The following PRKG1 variants were observed in gnomAD, a reference collection of about 807,000 sequenced individuals.
PRKG1 encodes protein kinase cGMP-dependent 1, also known as cGMP-dependent protein kinase 1.
Under a neutral mutation model 88.1 loss-of-function variants are expected in PRKG1, and 35 were observed. That is an observed-to-expected ratio of 0.40 (90% confidence interval 0.30 to 0.53). The LOEUF (loss-of-function observed/expected upper bound fraction) is 0.53. Among genes scored for constraint, PRKG1 ranks in the 20% least tolerant of loss-of-function variants. The probability of loss-of-function intolerance (pLI) is 0.59; values close to 1 mark genes in which losing one functional copy is unlikely to be tolerated. For synonymous variants in PRKG1, 303 were observed against 292.5 expected, an observed-to-expected ratio of 1.04 and a Z score of -0.37; for missense variants, 540 against 839.8, an observed-to-expected ratio of 0.64 and a Z score of 4.41.
intron 3 of PRKG1, among the ~76,000 whole-genome samples, chr10:51,651,228 A>G (rs1840030966): frequency 6.6e-6 from 1 of 152,198 alleles, no homozygotes; most frequent in African/African-American, 2.4e-5. Context: ...ATGATATTCA[A>G]AGGCTTTCAC....
intron 5 of PRKG1, among the ~76,000 whole-genome samples, chr10:52,054,036 T>C (rs1248668181): frequency 6.6e-6 from 1 of 152,122 alleles, no homozygotes; most frequent in African/African-American, 2.4e-5. Context: ...GAATGAGTAG[T>C]TCTATATTAT....
chr10:52,207,294 C>T (rs1008645443), intron 9 of PRKG1, among the ~76,000 whole-genome samples: 1 of 152,006 alleles, frequency 6.6e-6, no homozygotes, highest in Non-Finnish European at 1.5e-5. Flanking sequence ...CTAGGGCTCT[C>T]GGATGGTCAG....
intron 2 of PRKG1, among the ~76,000 whole-genome samples, chr10:51,310,402 A>C (rs1588822176): frequency 6.6e-6 from 1 of 152,192 alleles, no homozygotes; most frequent in Non-Finnish European, 1.5e-5. Context: ...GACATGAATA[A>C]GAAGTTTTTC....
Position 51,579,396 on chromosome 10 carries a change from A to G in PRKG1, c.592+111560A>G, listed in dbSNP as rs556530796. Among the ~76,000 whole-genome samples, 262 of 152,188 alleles carry G rather than the reference A, an allele frequency of 1.7e-3. 2 individuals are homozygous for G. Among genetic ancestry groups the G allele is most frequent in the African/African-American group, 6.1e-3 (255 of 41,542 alleles). On this transcript the variant is annotated intron_variant, in intron 3 of 17. Coordinates refer to ENST00000373980, the MANE Select transcript of PRKG1 (RefSeq NM_006258.4). Reference sequence around the variant, plus strand: ...GTGTGATGTCTTCAATACATTTGCAATTTTTAATTATCTCTCACTATGAAA... The same window carrying G: ...GTGTGATGTCTTCAATACATTTGCAGTTTTTAATTATCTCTCACTATGAAA...
At chr10:52,049,605 A>G (rs1291438396) in intron 5 of PRKG1, among the ~76,000 whole-genome samples, 1 of 152,138 alleles carries the variant, frequency 6.6e-6, no homozygotes, top group Non-Finnish European at 1.5e-5. Context: ...TATGATGAGT[A>G]GACAAGTGAC....
rs913622878 is a variant in PRKG1 at position 52,118,893 on chromosome 10, C to G, written c.936-14947C>G. ...AACTTTTTTCCAATTTAACTTTATA[C>G]TATAATTTTGCATATTTCTTTTCCT... On this transcript the variant is annotated intron_variant, in intron 7 of 17. Coordinates refer to ENST00000373980, the MANE Select transcript of PRKG1 (RefSeq NM_006258.4). Among the ~76,000 whole-genome samples, 3 of 152,116 alleles carry G rather than the reference C, an allele frequency of 2.0e-5. No homozygotes were observed. The Middle Eastern group carries it at 0.01, about 517-fold the overall frequency.
intron 2 of PRKG1, among the ~76,000 whole-genome samples, chr10:51,344,484 G>T (rs147592686): frequency 6.6e-6 from 1 of 152,118 alleles, no homozygotes; most frequent in African/African-American, 2.4e-5. Context: ...GGGCTTAAAC[G>T]TTAGGATTGT....
intron 2 of PRKG1, chr10:51,245,058 C>T (rs1226996738): frequency 6.6e-6 from 1 of 152,088 alleles, no homozygotes; most frequent in African/African-American, 2.4e-5. Context: ...CGCTTTTCCT[C>T]TTCTCCCTAG....
intron 7 of PRKG1, among the ~76,000 whole-genome samples, chr10:52,087,074 A>G (rs143927366): frequency 6.6e-6 from 1 of 152,106 alleles, no homozygotes; most frequent in Non-Finnish European, 1.5e-5. Context: ...AGGAACTACA[A>G]TTCAAGATGA....
chr10:51,736,195 A>G (rs987067600), intron 3 of PRKG1, among the ~76,000 whole-genome samples: 3 of 151,630 alleles, frequency 2.0e-5, no homozygotes, highest in Non-Finnish European at 2.9e-5. Flanking sequence ...ACTGGGAGTT[A>G]TTTCTTGATT....
intron 3 of PRKG1, among the ~76,000 whole-genome samples, chr10:51,588,348 G>A (rs929219810): frequency 7.0e-5 from 7 of 99,808 alleles, no homozygotes; most frequent in African/African-American, 2.2e-4. Flanking sequence ...CTAGAACAGA[G>A]ATTTGGAAAT....
At chr10:52,021,687 A>C (rs1357849762) in intron 5 of PRKG1, among the ~76,000 whole-genome samples, 3 of 152,224 alleles carry the variant, frequency 2.0e-5, no homozygotes, top group African/African-American at 7.2e-5. Flanking sequence ...AATATGCATC[A>C]TTTGAATTAC....
intron 3 of PRKG1, among the ~76,000 whole-genome samples, chr10:51,500,101 C>A (rs552913126): frequency 1.3e-5 from 2 of 152,074 alleles, no homozygotes; most frequent in Non-Finnish European, 2.9e-5. Flanking sequence ...TTTTATTGTT[C>A]ATGAAAGTGT....
chr10:51,309,927 T>A (rs911231688), intron 2 of PRKG1, among the ~76,000 whole-genome samples: 13 of 152,174 alleles, frequency 8.5e-5, no homozygotes, highest in African/African-American at 2.9e-4. Flanking sequence ...TAGAAAAGAA[T>A]GAAATTGTGT....
chr10:51,441,379 TC>T (rs1470393453), intron 2 of PRKG1, among the ~76,000 whole-genome samples: 3 of 152,064 alleles, frequency 2.0e-5, no homozygotes, highest in Non-Finnish European at 4.4e-5. Context: ...ACTTCCTTTT[TC>T]TTAATCAATT....
chr10:51,362,936 G>A (rs2132590678), intron 2 of PRKG1, among the ~76,000 whole-genome samples: 1 of 151,930 alleles, frequency 6.6e-6, no homozygotes, highest in Middle Eastern at 3.4e-3. Context: ...CAAGCTTTAT[G>A]TAGTGTTACG....
intron 7 of PRKG1, chr10:52,128,234 TGA>T (rs1837156224): frequency 2.0e-6 from 2 of 985,454 alleles, no homozygotes; most frequent in Non-Finnish European, 2.4e-6. Flanking sequence ...AGGCTGGCAC[TGA>T]GAGAGTGCTG....
chr10:52,232,686 G>A (rs569952699), intron 9 of PRKG1, among the ~76,000 whole-genome samples: 11 of 152,104 alleles, frequency 7.2e-5, no homozygotes, highest in South Asian at 2.1e-4. Context: ...TGAAGATACC[G>A]TGTGACTACT....
chr10:51,223,510 A>C (rs1232355992), intron 2 of PRKG1, among the ~76,000 whole-genome samples: 2 of 152,192 alleles, frequency 1.3e-5, no homozygotes, highest in Non-Finnish European at 2.9e-5. Flanking sequence ...ACACGAGTGA[A>C]TATCTATATA....
Sources: allele counts gnomAD v4.1 joint callset (sites outside exome capture counted in the v4.1 genomes callset), GRCh38; gene constraint gnomAD v4.1.1; transcripts MANE v1.5; gene names NCBI Gene and HGNC (gene_info 2026-07-23, HGNC 2026-07-21).